CSMD1: variants seen among roughly 807,000 people sequenced by gnomAD.
The protein encoded by CSMD1 is CUB and sushi domain-containing protein 1.
A neutral mutation model predicts 417.5 loss-of-function variants in CSMD1; 213 were observed. The ratio of observed to expected loss-of-function variants is 0.51; its 90% CI spans 0.46 to 0.57. The LOEUF is 0.57. Ranked by LOEUF, CSMD1 falls within the 20% of genes least tolerant of loss-of-function variation. CSMD1 has a pLI of 0.00. For synonymous variants in CSMD1, 2,862 were observed against 1,736.8 expected (o/e 1.65, Z -16.11); for missense variants, 6,923 against 4,529.7 (o/e 1.53, Z -15.17).
At chr8:4,186,392 C>G (rs1178939306) in intron 3 of CSMD1, among the ~76,000 whole-genome samples, 3 of 152,082 alleles carry the variant, frequency 2.0e-5, no homozygotes, top group Non-Finnish European at 4.4e-5. Context: ...TCTGCTCACC[C>G]CAAGACAGTC....
chr8:3,758,561 C>A (rs903656229), intron 5 of CSMD1, among the ~76,000 whole-genome samples: 4 of 152,166 alleles, frequency 2.6e-5, no homozygotes, highest in African/African-American at 9.6e-5. Context: ...ATGCTATAAA[C>A]TCAGTTGTTT....
intron 1 of CSMD1, among the ~76,000 whole-genome samples, chr8:4,942,166 C>T (rs2011168244): frequency 6.6e-6 from 1 of 152,166 alleles, no homozygotes; most frequent in Non-Finnish European, 1.5e-5. Context: ...TTTCAAGTCA[C>T]TTATTTTCAT....
intron 1 of CSMD1, among the ~76,000 whole-genome samples, chr8:4,642,348 T>C (rs951632171): frequency 6.6e-6 from 1 of 152,190 alleles, no homozygotes; most frequent in Non-Finnish European, 1.5e-5. Context: ...TGTGCCCTCA[T>C]CATTTCTGAG....
chr8:4,113,974 G>A (rs1192730575), intron 3 of CSMD1, among the ~76,000 whole-genome samples: 3 of 152,172 alleles, frequency 2.0e-5, no homozygotes, highest in Admixed American at 1.3e-4. Flanking sequence ...AAAGTTCCAG[G>A]TGAAGCAGCA....
At chr8:4,444,792 T>A (rs1011661547) in intron 2 of CSMD1, among the ~76,000 whole-genome samples, 1 of 152,174 alleles carries the variant, frequency 6.6e-6, no homozygotes, top group East Asian at 1.9e-4. Context: ...AACATATTAT[T>A]CCAGATAATC....
chr8:3,037,459 C>T (rs987665639), intron 50 of CSMD1, among the ~76,000 whole-genome samples: 8 of 152,072 alleles, frequency 5.3e-5, no homozygotes, highest in Non-Finnish European at 7.4e-5. Context: ...CCGCCCGCCT[C>T]GGCCTCCCTA....
intron 2 of CSMD1, among the ~76,000 whole-genome samples, chr8:4,601,649 A>G (rs1304546387): frequency 1.3e-5 from 2 of 152,098 alleles, no homozygotes; most frequent in African/African-American, 4.8e-5. Flanking sequence ...CGGATGTCTC[A>G]TTTTTGCAAT....
At chr8:4,774,021 C>T (rs1176647350) in intron 1 of CSMD1, among the ~76,000 whole-genome samples, 1 of 152,028 alleles carries the variant, frequency 6.6e-6, no homozygotes, top group Non-Finnish European at 1.5e-5. Flanking sequence ...CATGGTGAAA[C>T]CCCAACTCTA....
chr8:4,102,380 T>C (rs890951879), intron 3 of CSMD1, among the ~76,000 whole-genome samples: 1 of 152,230 alleles, frequency 6.6e-6, no homozygotes, highest in African/African-American at 2.4e-5. Context: ...TGGACATTGG[T>C]AACTTCGTAA....
At chr8:3,382,507 T>TTATATATAAATTTATATAAA (rs1554532544) in intron 18 of CSMD1, among the ~76,000 whole-genome samples, 1 of 131,610 alleles carries the variant, frequency 7.6e-6, no homozygotes, top group Non-Finnish European at 1.6e-5. Context: ...GTATATAAAT[T>TTATATATAAATTTATATAAA]TATATATATA....
chr8:3,320,307 C>T (rs1806068738), intron 23 of CSMD1, among the ~76,000 whole-genome samples: 1 of 152,146 alleles, frequency 6.6e-6, no homozygotes, highest in South Asian at 2.1e-4. Flanking sequence ...TCAGCCCTCA[C>T]ACACCCTGCC....
intron 2 of CSMD1, among the ~76,000 whole-genome samples, chr8:4,592,057 G>A (rs543556862): frequency 6.1e-4 from 93 of 152,202 alleles, no homozygotes; most frequent in Middle Eastern, 6.8e-3. Flanking sequence ...TGCATCTGAG[G>A]TACCGGAGGG....
chr8:3,797,355 T>C (rs1271354643), intron 5 of CSMD1, among the ~76,000 whole-genome samples: 3 of 151,978 alleles, frequency 2.0e-5, no homozygotes, highest in Non-Finnish European at 4.4e-5. Context: ...CTGTCACAAG[T>C]AGAGCCCACA....
chr8:3,447,057 A>C (rs549937461), intron 12 of CSMD1, among the ~76,000 whole-genome samples: 32 of 152,324 alleles, frequency 2.1e-4, no homozygotes, highest in Admixed American at 1.1e-3. Context: ...AATAAAATTA[A>C]AACACAGCGT....
chr8:3,025,751 C>T (rs909841553), intron 51 of CSMD1, among the ~76,000 whole-genome samples: 7 of 152,190 alleles, frequency 4.6e-5, no homozygotes, highest in Admixed American at 1.3e-4. Flanking sequence ...AAAATGATGA[C>T]ATTCTTCACA....
intron 26 of CSMD1, among the ~76,000 whole-genome samples, chr8:3,282,688 G>A (rs986248273): frequency 5.3e-5 from 8 of 152,142 alleles, no homozygotes; most frequent in Middle Eastern, 3.2e-3. Flanking sequence ...CCACAGGCAC[G>A]TGTTTGCAAA....
chr8:3,934,659 G>C, intron 5 of CSMD1, among the ~76,000 whole-genome samples: 1 of 152,114 alleles, frequency 6.6e-6, no homozygotes, highest in Middle Eastern at 3.4e-3. Context: ...TTCGAGACCA[G>C]CCTGGCCAAC....
intron 5 of CSMD1, among the ~76,000 whole-genome samples, chr8:3,836,161 T>G (rs775850242): frequency 6.6e-6 from 1 of 152,196 alleles, no homozygotes; most frequent in African/African-American, 2.4e-5. Context: ...ACTATATTCA[T>G]TGTCTCAGTT....
At chr8:3,837,070 T>C (rs777313625) in intron 5 of CSMD1, among the ~76,000 whole-genome samples, 1 of 151,758 alleles carries the variant, frequency 6.6e-6, no homozygotes, top group Non-Finnish European at 1.5e-5. Flanking sequence ...ATTTTCAACA[T>C]GAAGAGCTAG....
Sources: gnomAD v4.1 joint callset for allele counts (sites outside exome capture counted in the v4.1 genomes callset) on GRCh38, gnomAD v4.1.1 for gene constraint, MANE v1.5 for transcripts, NCBI Gene and HGNC (gene_info 2026-07-23, HGNC 2026-07-21) for gene names.